ROBO2: variants seen among roughly 807,000 people sequenced by gnomAD.
ROBO2 encodes roundabout homolog 2.
ROBO2 carries 53 observed loss-of-function variants against 160.8 expected under a neutral mutation model. The ratio of observed to expected loss-of-function variants is 0.33; its 90% CI spans 0.26 to 0.41. ROBO2 has a LOEUF of 0.41. Among genes scored for constraint, ROBO2 ranks in the 10% least tolerant of loss-of-function variants. The pLI, the probability that ROBO2 is intolerant of heterozygous loss-of-function variation, is 1.00. For missense variants in ROBO2, 1,577 were observed against 1,722.4 expected (o/e 0.92, Z 1.49); for synonymous variants, 664 against 611.7 (o/e 1.09, Z -1.26).
chr3:76,418,072 C>A (rs1345909534), intron 2 of ROBO2, among the ~76,000 whole-genome samples: 1 of 151,674 alleles, frequency 6.6e-6, no homozygotes, highest in Non-Finnish European at 1.5e-5. Flanking sequence ...TGTAAACAGG[C>A]AAAACTTAAC....
intron 2 of ROBO2, among the ~76,000 whole-genome samples, chr3:76,206,051 T>A (rs1299352322): frequency 6.6e-6 from 1 of 152,152 alleles, no homozygotes; most frequent in Non-Finnish European, 1.5e-5. Context: ...CTAGTCCCCC[T>A]GGAGCCCAGT....
At chr3:76,883,736 G>T (rs1020260987) in intron 2 of ROBO2, among the ~76,000 whole-genome samples, 1 of 152,162 alleles carries the variant, frequency 6.6e-6, no homozygotes, top group East Asian at 1.9e-4. Flanking sequence ...CATAGCTACT[G>T]TCAATGCAAT....
At chr3:76,888,402 G>A (rs751219117) in intron 2 of ROBO2, among the ~76,000 whole-genome samples, 8 of 151,376 alleles carry the variant, frequency 5.3e-5, no homozygotes, top group Non-Finnish European at 8.8e-5. Flanking sequence ...ATCTAGTTAA[G>A]TGTTGATGGT....
chr3:76,007,176 A>G (rs1281532594), intron 2 of ROBO2, among the ~76,000 whole-genome samples: 2 of 152,064 alleles, frequency 1.3e-5, no homozygotes, highest in African/African-American at 4.8e-5. Context: ...ATATATTGCT[A>G]TAAGTTGTAT....
chr3:75,911,621 G>T (rs1298651878), intron 1 of ROBO2, among the ~76,000 whole-genome samples: 1 of 138,160 alleles, frequency 7.2e-6, no homozygotes, highest in Admixed American at 7.5e-5. Flanking sequence ...GCAGTGGCGC[G>T]ATCTCGACTC....
intron 2 of ROBO2, among the ~76,000 whole-genome samples, chr3:77,236,693 T>G (rs531348343): frequency 6.6e-6 from 1 of 152,322 alleles, no homozygotes; most frequent in African/African-American, 2.4e-5. Context: ...CTCCATCTAT[T>G]ATCCATCCTT....
intron 2 of ROBO2, among the ~76,000 whole-genome samples, chr3:76,912,807 T>C (rs1035136617): frequency 6.6e-6 from 1 of 151,548 alleles, no homozygotes; most frequent in African/African-American, 2.4e-5. Context: ...ACAAAAAGTA[T>C]TAGGTTTTTG....
At chr3:76,001,003 T>A (rs940275132) in intron 2 of ROBO2, among the ~76,000 whole-genome samples, 2 of 152,304 alleles carry the variant, frequency 1.3e-5, no homozygotes, top group East Asian at 3.9e-4. Flanking sequence ...TACTTCTTTA[T>A]TTTTTCATTT....
At chr3:77,460,692 A>G (rs771597218) in intron 2 of ROBO2, among the ~76,000 whole-genome samples, 1 of 152,194 alleles carries the variant, frequency 6.6e-6, no homozygotes, top group African/African-American at 2.4e-5. Context: ...TTATGTAGGA[A>G]TTCAGGGGAG....
chr3:76,708,279 C>T (rs1398781064), intron 2 of ROBO2, among the ~76,000 whole-genome samples: 1 of 152,094 alleles, frequency 6.6e-6, no homozygotes, highest in Admixed American at 6.6e-5. Context: ...GGCATTTGAA[C>T]CTAGAAGGTT....
chr3:76,820,710 A>T (rs978897970), intron 2 of ROBO2, among the ~76,000 whole-genome samples: 1 of 151,968 alleles, frequency 6.6e-6, no homozygotes, highest in Non-Finnish European at 1.5e-5. Flanking sequence ...TTTGAGGTGG[A>T]TTGAAGTATG....
At chr3:76,325,393 A>G (rs1318753354) in intron 2 of ROBO2, among the ~76,000 whole-genome samples, 1 of 152,202 alleles carries the variant, frequency 6.6e-6, no homozygotes, top group Non-Finnish European at 1.5e-5. Context: ...TAGAGCATAA[A>G]TAAGTTGATA....
chr3:76,110,095 C>G (rs2070155776), intron 2 of ROBO2, among the ~76,000 whole-genome samples: 1 of 151,116 alleles, frequency 6.6e-6, no homozygotes, highest in Non-Finnish European at 1.5e-5. Context: ...TTCCATCTGT[C>G]TTAAACTAGA....
At chr3:76,655,363 T>C (rs1170027884) in intron 2 of ROBO2, among the ~76,000 whole-genome samples, 1 of 139,316 alleles carries the variant, frequency 7.2e-6, no homozygotes, top group African/African-American at 2.6e-5. Context: ...TACATGCTAA[T>C]ATTTATAAAA....
Position 77,161,729 on chromosome 3 carries a change from C to A in ROBO2, c.388+63389C>A, listed in dbSNP as rs73842203. ...TATTCCCAGGTGTTTTCTGAAAATACGTTTTTTTTTTCTTAGCCTTTCTTA... is the reference window on the plus strand; with the variant it reads ...TATTCCCAGGTGTTTTCTGAAAATAAGTTTTTTTTTTCTTAGCCTTTCTTA... On this transcript the variant is annotated intron_variant, in intron 2 of 25. Coordinates refer to ENST00000461745, the Ensembl canonical transcript of ROBO2. 7.2e-3 allele frequency among the ~76,000 whole-genome samples: 1,089 copies of A among 151,918 alleles called. 8 individuals are homozygous for A. The highest frequency in any genetic ancestry group is 0.023 in the African/African-American group (956 of 41,442).
At chr3:76,573,135 T>C (rs1261904720) in intron 2 of ROBO2, among the ~76,000 whole-genome samples, 3 of 152,094 alleles carry the variant, frequency 2.0e-5, no homozygotes, top group Admixed American at 6.6e-5. Flanking sequence ...TCCCTTGCTT[T>C]TGTGTAGCGA....
chr3:75,908,192 A>G (rs968171190), intron 1 of ROBO2, among the ~76,000 whole-genome samples: 1 of 152,178 alleles, frequency 6.6e-6, no homozygotes, highest in Admixed American at 6.5e-5. Context: ...TGTGAAATTG[A>G]AATATCTTTC....
intron 2 of ROBO2, among the ~76,000 whole-genome samples, chr3:77,210,432 A>G (rs901243941): frequency 2.6e-5 from 4 of 152,132 alleles, no homozygotes; most frequent in African/African-American, 9.7e-5. Context: ...ATTGTTAAAA[A>G]TTGTCATATA....
At chr3:76,976,914 GA>G (rs2059843604) in intron 2 of ROBO2, among the ~76,000 whole-genome samples, 1 of 143,144 alleles carries the variant, frequency 7.0e-6, no homozygotes. Flanking sequence ...TATTAAACCT[GA>G]ATTTAAATTC....
Sources: gnomAD v4.1 joint callset for allele counts (sites outside exome capture counted in the v4.1 genomes callset) on GRCh38, gnomAD v4.1.1 for gene constraint, MANE v1.5 for transcripts, NCBI Gene and HGNC (gene_info 2026-07-23, HGNC 2026-07-21) for gene names.